The following MLIP variants were observed in gnomAD, a reference collection of about 807,000 sequenced individuals.
The protein encoded by MLIP is muscular LMNA interacting protein.
MLIP carries 79 observed loss-of-function variants against 84.8 expected under a neutral mutation model. That is an observed-to-expected ratio of 0.93 (90% CI 0.78 to 1.12). MLIP has a LOEUF of 1.12. MLIP is among the 50% of genes most tolerant of loss of function. The pLI, the probability that MLIP is intolerant of heterozygous loss-of-function variation, is 0.00. For missense variants in MLIP, 1,257 were observed against 1,160.6 expected, an observed-to-expected ratio of 1.08 and a Z score of -1.21; for synonymous variants, 504 against 463.0, an observed-to-expected ratio of 1.09 and a Z score of -1.14.
chr6:54,126,015 G>C (rs1770893197), intron 3 of MLIP, among the ~76,000 whole-genome samples: 1 of 151,552 alleles, frequency 6.6e-6, no homozygotes, highest in African/African-American at 2.4e-5. Flanking sequence ...CATTTTTACT[G>C]GGCTAAAACA....
chr6:54,181,744 A>G (rs1776891173), intron 9 of MLIP, among the ~76,000 whole-genome samples: 1 of 152,092 alleles, frequency 6.6e-6, no homozygotes, highest in Non-Finnish European at 1.5e-5. Flanking sequence ...TCCTGCCAGG[A>G]CTGGTCTTTC....
intron 1 of MLIP, among the ~76,000 whole-genome samples, chr6:54,022,092 T>C (rs1263555153): frequency 6.6e-6 from 1 of 152,230 alleles, no homozygotes; most frequent in Non-Finnish European, 1.5e-5. Flanking sequence ...CTTTTGTTTT[T>C]CCTATCATGT....
intron 1 of MLIP, among the ~76,000 whole-genome samples, chr6:54,054,344 C>G (rs971601614): frequency 2.0e-5 from 3 of 150,934 alleles, no homozygotes; most frequent in Admixed American, 2.0e-4. Flanking sequence ...CACATTGTAC[C>G]GATGACAAAC....
At chr6:54,203,851 G>T (rs1778861058) in intron 11 of MLIP, 1 of 152,408 alleles carries the variant, frequency 6.6e-6, no homozygotes, top group Admixed American at 6.5e-5. Context: ...CTCCCAAAGT[G>T]CTGGGATTAC....
At chr6:54,165,704 G>A (rs954543159) in intron 8 of MLIP, among the ~76,000 whole-genome samples, 21 of 151,934 alleles carry the variant, frequency 1.4e-4, no homozygotes, top group Admixed American at 1.2e-3. Context: ...GCATACTGTG[G>A]CATTGGTCTT....
chr6:54,055,778 T>G (rs75220839), intron 1 of MLIP, among the ~76,000 whole-genome samples: 10,296 of 152,128 alleles, frequency 0.068, 486 homozygotes, highest in Non-Finnish European at 0.11. Context: ...TGGAAGGACA[T>G]TTATAATAAG....
chr6:54,036,684 T>TA (rs975900125), intron 1 of MLIP, among the ~76,000 whole-genome samples: 2 of 151,842 alleles, frequency 1.3e-5, no homozygotes, highest in African/African-American at 4.8e-5. Context: ...TGGAGGTTCC[T>TA]AAAAAAATGA....
chr6:54,246,517 T>G (rs907427243), intron 12 of MLIP, among the ~76,000 whole-genome samples: 6 of 152,154 alleles, frequency 3.9e-5, no homozygotes, highest in African/African-American at 1.4e-4. Flanking sequence ...GTATGACTTT[T>G]ATTTGTGTGT....
intron 1 of MLIP, among the ~76,000 whole-genome samples, chr6:54,037,074 G>T (rs181793845): frequency 1.3e-5 from 2 of 152,104 alleles, no homozygotes; most frequent in African/African-American, 4.8e-5. Context: ...CCACACATGG[G>T]ACTATGACTA....
chr6:54,127,025 A>G (rs1473882657), intron 3 of MLIP, among the ~76,000 whole-genome samples: 1 of 152,064 alleles, frequency 6.6e-6, no homozygotes, highest in Non-Finnish European at 1.5e-5. Context: ...TACATACTTC[A>G]TACCTTCCCA....
intron 9 of MLIP, among the ~76,000 whole-genome samples, chr6:54,176,250 A>T (rs1280948287): frequency 6.6e-6 from 1 of 151,082 alleles, no homozygotes; most frequent in Non-Finnish European, 1.5e-5. Flanking sequence ...TTATAGAATG[A>T]GATTTGTAGT....
At chr6:54,065,127 T>C in intron 1 of MLIP, among the ~76,000 whole-genome samples, 1 of 100,556 alleles carries the variant, frequency 9.9e-6, no homozygotes, top group East Asian at 2.7e-4. Context: ...AACAAAGTTG[T>C]ACATTTTTGG....
chr6:54,148,024 C>T (rs965622428), intron 4 of MLIP, among the ~76,000 whole-genome samples: 8 of 152,108 alleles, frequency 5.3e-5, no homozygotes, highest in Non-Finnish European at 7.4e-5. Context: ...AGCCTCTTAC[C>T]TTCACCACCC....
rs561713577 is a variant in MLIP, at chr6:54,220,450, G to A, written c.2719-10264G>A. Among the ~76,000 whole-genome samples, 4 of 152,244 alleles carry A rather than the reference G, an allele frequency of 2.6e-5. No individual in the cohort carries two copies. In the South Asian group the frequency reaches 6.2e-4, roughly 24 times the overall value. The stretch of plus-strand genomic sequence containing the variant: ...AAAAACCCAATTCAGCTGGGGATAC[G>A]TGTGTTCTTCCTGCTGAAGTATTTA... On this transcript the variant is annotated intron_variant, in intron 11 of 13. Coordinates refer to ENST00000502396, the MANE Select transcript of MLIP (RefSeq NM_001281747.2).
In MLIP at chr6:54,178,859, T is replaced by A. The variant is rs572396685; in HGVS notation, c.2544+9287T>A. 3.3e-5 allele frequency among the ~76,000 whole-genome samples: 5 copies of A among 152,272 alleles called. No individual in the cohort carries two copies. The South Asian group carries it at 1.0e-3, about 32-fold the overall frequency. On this transcript the variant is annotated intron_variant, in intron 9 of 13. Coordinates refer to ENST00000502396, the MANE Select transcript of MLIP (RefSeq NM_001281747.2). ...CCATGTGCTAAGGAGAAGCATGTGTTGAAGCATGTATAGCTGTTGGATAAA... is the reference window on the plus strand; with the variant it reads ...CCATGTGCTAAGGAGAAGCATGTGTAGAAGCATGTATAGCTGTTGGATAAA...
At chr6:54,053,629 A>G (rs1488386291) in intron 1 of MLIP, among the ~76,000 whole-genome samples, 1 of 152,240 alleles carries the variant, frequency 6.6e-6, no homozygotes, top group Non-Finnish European at 1.5e-5. Context: ...TAGCTTTGTG[A>G]CTGTGGGCAA....
intron 11 of MLIP, among the ~76,000 whole-genome samples, chr6:54,218,839 C>G (rs1412779772): frequency 6.6e-6 from 1 of 150,690 alleles, no homozygotes; most frequent in Non-Finnish European, 1.5e-5. Context: ...TCAATAATAA[C>G]CTCAGCTTAC....
intron 3 of MLIP, among the ~76,000 whole-genome samples, chr6:54,125,135 A>T (rs1183583881): frequency 6.6e-6 from 1 of 152,138 alleles, no homozygotes; most frequent in Non-Finnish European, 1.5e-5. Flanking sequence ...GGAGAATACT[A>T]CCTCTTTCCT....
intron 11 of MLIP, chr6:54,217,625 CT>C: frequency 1.0e-6 from 1 of 983,592 alleles, no homozygotes; most frequent in Non-Finnish European, 1.2e-6. Flanking sequence ...ATAATTAATT[CT>C]TTTCAAAAAT....
Sources: allele counts gnomAD v4.1 joint callset (sites outside exome capture counted in the v4.1 genomes callset), GRCh38; gene constraint gnomAD v4.1.1; transcripts MANE v1.5; gene names NCBI Gene and HGNC (gene_info 2026-07-23, HGNC 2026-07-21).